EIF4B: variants seen among roughly 807,000 people sequenced by gnomAD.
EIF4B encodes eukaryotic translation initiation factor 4B.
EIF4B carries 8 observed loss-of-function variants against 79.3 expected under a neutral mutation model. The ratio of observed to expected loss-of-function variants is 0.10; its 90% CI spans 0.06 to 0.18. EIF4B has a LOEUF of 0.18. EIF4B is among the 10% of genes least tolerant of loss of function. The probability of loss-of-function intolerance (pLI) is 1.00; values close to 1 mark genes in which losing one functional copy is unlikely to be tolerated. For synonymous variants in EIF4B, 238 were observed against 274.7 expected (o/e 0.87, Z 1.32); for missense variants, 515 against 792.4 (o/e 0.65, Z 4.20).
At chr12:53,025,073 A>T (rs974393693) in intron 6 of EIF4B, among the ~76,000 whole-genome samples, 1 of 152,188 alleles carries the variant, frequency 6.6e-6, no homozygotes, top group Non-Finnish European at 1.5e-5. Flanking sequence ...TAAGATGTAG[A>T]AGGAAGAAGA....
Position 53,006,514 on chromosome 12 carries a change from C to A in EIF4B, c.13+18C>A. On this transcript the variant is annotated intron_variant, in intron 1 of 14. Coordinates refer to ENST00000262056, the MANE Select transcript of EIF4B (RefSeq NM_001417.7). The stretch of plus-strand genomic sequence containing the variant: ...GGCCTCAGGTGAGCGAGCAGCCGAG[C>A]GCGGCCAAGGACTGGGCTCTGAAAC... The A allele has an allele frequency of 6.2e-7, 1 of 1,613,524 alleles. No individual in the cohort carries two copies. Among genetic ancestry groups the A allele is most frequent in the Non-Finnish European group, 8.5e-7 (1 of 1,180,024 alleles).
intron 6 of EIF4B, 45 bp downstream of exon 6, chr12:53,022,672 G>A: frequency 6.3e-7 from 1 of 1,591,986 alleles, no homozygotes; most frequent in African/African-American, 1.3e-5. Context: ...GCTTTGGGAG[G>A]CTATTTAGTA....
chr12:53,019,675 C>CT (rs34225588), intron 3 of EIF4B, among the ~76,000 whole-genome samples: 30,344 of 132,296 alleles, frequency 0.23, 4,365 homozygotes, highest in East Asian at 0.51. Flanking sequence ...CTGAATTAAT[C>CT]TTTTTTTTTT....
chr12:53,007,054 C>T lies in EIF4B; in HGVS notation c.13+558C>T, dbSNP rs148953392. On this transcript the variant is annotated intron_variant, in intron 1 of 14. Transcript: ENST00000262056. ...GACACGAGGGTAGTAGAGACGGGCG[C>T]GCCTTCAATGCGTGCGCTAGAACCC... is the stretch of plus-strand genomic sequence containing the variant. Among the ~76,000 whole-genome samples the T allele has an allele frequency of 1.7e-3, 258 of 152,268 alleles. 1 individual carries two copies. The highest frequency in any genetic ancestry group is 5.9e-3 in the African/African-American group (246 of 41,546).
chr12:53,016,850 C>CT (rs1435899226), intron 2 of EIF4B, among the ~76,000 whole-genome samples: 1 of 152,186 alleles, frequency 6.6e-6, no homozygotes, highest in Non-Finnish European at 1.5e-5. Flanking sequence ...CATTAACAGA[C>CT]TTCTTAAGTT....
intron 1 of EIF4B, among the ~76,000 whole-genome samples, chr12:53,010,891 T>C (rs1163786952): frequency 1.3e-5 from 2 of 152,166 alleles, no homozygotes; most frequent in African/African-American, 4.8e-5. Flanking sequence ...CTTTTAATTA[T>C]GGAGAATGTG....
At chr12:53,006,526 C>G (rs1488856770) in intron 1 of EIF4B, 30 bp downstream of exon 1, 5 of 1,613,390 alleles carry the variant, frequency 3.1e-6, no homozygotes, top group African/African-American at 1.3e-5. Context: ...CGGCCAAGGA[C>G]TGGGCTCTGA....
At chr12:53,019,394 C>G (rs1292600603) in intron 3 of EIF4B, among the ~76,000 whole-genome samples, 1 of 144,424 alleles carries the variant, frequency 6.9e-6, no homozygotes, top group African/African-American at 2.5e-5. Context: ...AGTGAAACAC[C>G]ATCTCAAAGA....
At chr12:53,028,302 C>T in intron 8 of EIF4B, 114 bp downstream of exon 8, 3 of 1,362,338 alleles carry the variant, frequency 2.2e-6, no homozygotes, top group Admixed American at 2.8e-5. Context: ...GCACATTGTA[C>T]AGGAAGCAGC....
chr12:53,016,747 GAATCTAAGGTTT>G (rs1943155137), intron 2 of EIF4B, 137 bp downstream of exon 2: 3 of 1,285,200 alleles, frequency 2.3e-6, no homozygotes, highest in Non-Finnish European at 3.1e-6. Flanking sequence ...ATATTTTATA[GAATCTAAGGTTT>G]AATCTGAGGT....
chr12:53,020,054 G>C, intron 4 of EIF4B, 28 bp downstream of exon 4: 10 of 1,556,964 alleles, frequency 6.4e-6, no homozygotes, highest in South Asian at 4.7e-5. Context: ...GGGGATATGA[G>C]GGGTGTAAGT....
At chr12:53,015,052 T>G (rs533189744) in intron 1 of EIF4B, 28 of 152,336 alleles carry the variant, frequency 1.8e-4, no homozygotes, top group African/African-American at 6.5e-4. Context: ...GTTATTAGGG[T>G]TTTCGTGTGT....
intron 8 of EIF4B, among the ~76,000 whole-genome samples, chr12:53,030,653 G>A (rs1418218740): frequency 7.3e-5 from 11 of 151,450 alleles, no homozygotes; most frequent in African/African-American, 2.4e-4. Flanking sequence ...CTTGTGATTC[G>A]CCCGCCTCGG....
chr12:53,019,203 A>G (rs1169775682), intron 3 of EIF4B, among the ~76,000 whole-genome samples, 197 bp downstream of exon 3: 1 of 152,086 alleles, frequency 6.6e-6, no homozygotes, highest in African/African-American at 2.4e-5. Flanking sequence ...ATTCGAGTCC[A>G]GCCTGGCTAA....
rs534963897 is a variant in EIF4B, at chr12:53,039,553, G to T, written c.1683-77G>T. The T allele has an allele frequency of 4.0e-4, 620 of 1,545,220 alleles. 4 individuals are homozygous for T. In the African/African-American group the frequency reaches 7.6e-3, roughly 19 times the overall value. ...ACTAGAGGTGCCTGTTCAGTGCCTT[G>T]AAACTGCATGCATACACATGTTTGT... On this transcript the variant is annotated intron_variant, in intron 13 of 14. Transcript: ENST00000262056.
chr12:53,032,477 CT>C (rs1412630880), intron 8 of EIF4B, among the ~76,000 whole-genome samples: 3 of 152,114 alleles, frequency 2.0e-5, no homozygotes, highest in Non-Finnish European at 4.4e-5. Context: ...TGTATTAGTT[CT>C]TAACATGCAG....
intron 1 of EIF4B, among the ~76,000 whole-genome samples, chr12:53,014,431 G>A (rs1258758958): frequency 2.6e-5 from 4 of 151,210 alleles, no homozygotes; most frequent in African/African-American, 7.3e-5. Context: ...AAAAAAAAGC[G>A]TAGGATGGAT....
Position 53,033,945 on chromosome 12 carries a change from A to G in EIF4B, c.1119A>G (p.Glu373=), listed in dbSNP as rs189987728. The change falls in exon 9 of 15, where the codon GAA becomes GAG. Residue 373 remains glutamate (E), a synonymous_variant. Transcript: ENST00000262056. ...AGCCTGTTGACACAGCTGCTAGAGA[A>G]AGAGAAGTAGAAGAACGGCTACAGA... ...GAKPVDTAAR[E]REVEERLQKE... 2.0e-4 allele frequency: 329 copies of G among 1,614,158 alleles called. No homozygotes were observed. Among genetic ancestry groups the G allele is most frequent in the Admixed American group, 1.0e-3 (60 of 60,024 alleles).
chr12:53,039,664 G>A lies in EIF4B; in HGVS notation c.1717G>A (p.Ala573Thr). The A allele has an allele frequency of 6.2e-7, 1 of 1,613,782 alleles. No homozygotes were observed. Among genetic ancestry groups the A allele is most frequent in the Middle Eastern group, 1.7e-4 (1 of 6,052 alleles). The change falls in exon 14 of 15, where the codon GCA (alanine) becomes ACA (threonine). Residue 573 changes from alanine to threonine, a missense_variant. Coordinates refer to ENST00000262056, the MANE Select transcript of EIF4B (RefSeq NM_001417.7). ...CAAAAAGGATCAAGACTCCAGATCT[G>A]CACCTGAGCCAAAGAAACCTGAGGA... is the stretch of plus-strand genomic sequence containing the variant. ...DGKKDQDSRSAPEPKKPEENP... is the reference protein window; with the variant it reads ...DGKKDQDSRSTPEPKKPEENP...
Sources: gnomAD v4.1 joint callset for allele counts (sites outside exome capture counted in the v4.1 genomes callset) on GRCh38, gnomAD v4.1.1 for gene constraint, MANE v1.5 for transcripts, NCBI Gene and HGNC (gene_info 2026-07-23, HGNC 2026-07-21) for gene names.